Variants in MED12L observed in about 807,000 individuals in gnomAD.
MED12L encodes the protein mediator complex subunit 12L.
In MED12L, 60 loss-of-function variants were observed where a neutral mutation model predicts 281.3. That is an observed-to-expected ratio of 0.21 (90% CI 0.17 to 0.26). The LOEUF is 0.26. Ranked by LOEUF, MED12L falls within the 10% of genes least tolerant of loss-of-function variation. The probability of loss-of-function intolerance (pLI) is 1.00; values close to 1 mark genes in which losing one functional copy is unlikely to be tolerated. For synonymous variants in MED12L, 974 were observed against 987.2 expected (o/e 0.99, Z 0.25); for missense variants, 2,146 against 2,680.9 (o/e 0.80, Z 4.41).
intron 16 of MED12L, among the ~76,000 whole-genome samples, chr3:151,201,325 G>A (rs1050774654): frequency 6.6e-5 from 10 of 151,972 alleles, no homozygotes; most frequent in Non-Finnish European, 1.5e-5. Context: ...CCATAACCTA[G>A]TTTCTCTCTA....
At chr3:151,157,306 T>G (rs1358744319) in intron 6 of MED12L, among the ~76,000 whole-genome samples, 1 of 152,112 alleles carries the variant, frequency 6.6e-6, no homozygotes, top group Non-Finnish European at 1.5e-5. Flanking sequence ...ATGTTAAAAT[T>G]TAAATGTTCA....
chr3:151,343,539 A>G lies in MED12L; in HGVS notation c.2251-6520A>G, dbSNP rs1036098666. The stretch of plus-strand genomic sequence containing the variant: ...GAAAGTGACTAAAATCTTTAAGTGA[A>G]AAGTATCTCAGTTACAGAAGTATAT... On this transcript the variant is annotated intron_variant, in intron 16 of 44. Transcript: ENST00000687756. Among the ~76,000 whole-genome samples, 3 of 152,216 alleles carry G rather than the reference A, an allele frequency of 2.0e-5. No homozygotes were observed. In the East Asian group the frequency reaches 5.8e-4, roughly 29 times the overall value.
At chr3:151,190,298 A>C (rs745490072) in intron 13 of MED12L, among the ~76,000 whole-genome samples, 3 of 151,616 alleles carry the variant, frequency 2.0e-5, no homozygotes, top group Non-Finnish European at 4.4e-5. Flanking sequence ...CAGCCTCCCG[A>C]GTAGCTGGGC....
At chr3:151,224,959 A>G (rs963790188) in intron 16 of MED12L, among the ~76,000 whole-genome samples, 4 of 152,216 alleles carry the variant, frequency 2.6e-5, no homozygotes, top group African/African-American at 9.6e-5. Context: ...ATTTTATGTT[A>G]CTAAAATAAC....
intron 5 of MED12L, among the ~76,000 whole-genome samples, chr3:151,151,221 T>G (rs1718456003): frequency 6.6e-6 from 1 of 151,626 alleles, no homozygotes; most frequent in South Asian, 2.1e-4. Context: ...GTATTTTTAG[T>G]AGAGACGGTG....
chr3:151,355,487 G>T (rs982280657), intron 18 of MED12L, among the ~76,000 whole-genome samples: 1 of 152,110 alleles, frequency 6.6e-6, no homozygotes, highest in Non-Finnish European at 1.5e-5. Flanking sequence ...AATAGCTAAT[G>T]AAATAGTTAG....
chr3:151,159,813 G>A lies in MED12L; in HGVS notation c.838-19G>A. The A allele has an allele frequency of 6.2e-7, 1 of 1,600,136 alleles. No individual in the cohort carries two copies. The highest frequency in any genetic ancestry group is 8.6e-7 in the Non-Finnish European group (1 of 1,169,406). On this transcript the variant is annotated intron_variant, in intron 7 of 44. Coordinates refer to ENST00000687756, the MANE Select transcript of MED12L (RefSeq NM_001393769.1). ...ACGCATAAGACATGACTGAAGTCTG[G>A]TGTCCTTCTACTTCTCAGTATTCAG... is the stretch of plus-strand genomic sequence containing the variant.
At chr3:151,238,356 A>C (rs1268065976) in intron 16 of MED12L, among the ~76,000 whole-genome samples, 1 of 152,174 alleles carries the variant, frequency 6.6e-6, no homozygotes, top group African/African-American at 2.4e-5. Context: ...CTTGTTGGTC[A>C]GGCTGGTCTC....
chr3:151,379,748 A>T (rs1711904088), intron 31 of MED12L, among the ~76,000 whole-genome samples: 1 of 152,204 alleles, frequency 6.6e-6, no homozygotes, highest in South Asian at 2.1e-4. Context: ...AACTTTAAAA[A>T]TTTTTAATTT....
chr3:151,289,921 C>T (rs1339621187), intron 16 of MED12L, among the ~76,000 whole-genome samples: 1 of 151,618 alleles, frequency 6.6e-6, no homozygotes, highest in South Asian at 2.1e-4. Context: ...TGCTCTGTCA[C>T]GTGGGCTGGG....
chr3:151,136,871 A>T (rs1716210053), intron 5 of MED12L, among the ~76,000 whole-genome samples: 1 of 152,126 alleles, frequency 6.6e-6, no homozygotes, highest in Admixed American at 6.5e-5. Flanking sequence ...TTTATTTATT[A>T]AAAAAGTTTA....
chr3:151,379,133 C>T (rs73158002), intron 31 of MED12L, among the ~76,000 whole-genome samples: 82 of 152,304 alleles, frequency 5.4e-4, no homozygotes, highest in African/African-American at 1.3e-3. Flanking sequence ...ATTTGTTTTA[C>T]ATCTGGTTGT....
At position 151,368,657 on chromosome 3, in the gene MED12L, T is replaced by G. The variant is rs75142072; in HGVS notation, c.3550+406T>G. 2.3e-3 allele frequency among the ~76,000 whole-genome samples: 140 copies of G among 61,320 alleles called. 2 individuals carry two copies. The highest frequency in any genetic ancestry group is 9.7e-3 in the Admixed American group (58 of 5,960). 40.2% of individuals were successfully genotyped at this position (61,320 alleles called of 152,430 possible). On this transcript the variant is annotated intron_variant, in intron 25 of 44. Transcript: ENST00000687756. ...TTCATTTCATTTCATTTCATTTCATTTCATTTCATTTCATTTCATGTCATT... is the reference window on the plus strand; with the variant it reads ...TTCATTTCATTTCATTTCATTTCATGTCATTTCATTTCATTTCATGTCATT...
In MED12L at chr3:151,185,533, TCTTACC is replaced by T; in HGVS notation, c.1626+75_1626+80del. The T allele has an allele frequency of 2.0e-6, 3 of 1,514,656 alleles. 1 individual carries two copies. The highest frequency in any genetic ancestry group is 2.7e-6 in the Non-Finnish European group (3 of 1,110,454). 93.8% of individuals were successfully genotyped at this position (1,514,656 alleles called of 1,614,324 possible). A position where few individuals can be genotyped will look rare whatever the true frequency, so the allele number is the denominator to read the frequency against. The stretch of plus-strand genomic sequence containing the variant: ...TACTGTTTTGGGGAAGATCATTTTC[TCTTACC>T]CTCATTATGTTATTCTTTTGCTCTT... On this transcript the variant is annotated intron_variant, in intron 12 of 44. Coordinates refer to ENST00000687756, the MANE Select transcript of MED12L (RefSeq NM_001393769.1).
intron 16 of MED12L, among the ~76,000 whole-genome samples, chr3:151,325,944 G>C (rs1255083086): frequency 6.6e-6 from 1 of 152,174 alleles, no homozygotes; most frequent in Admixed American, 6.6e-5. Context: ...ATCCCTAATA[G>C]TAATGATTAT....
intron 16 of MED12L, among the ~76,000 whole-genome samples, chr3:151,266,825 A>G (rs1739927334): frequency 6.6e-6 from 1 of 152,188 alleles, no homozygotes; most frequent in Non-Finnish European, 1.5e-5. Flanking sequence ...TGTCCTACGA[A>G]GGGAAAACTT....
intron 2 of MED12L, among the ~76,000 whole-genome samples, chr3:151,105,443 G>T (rs1721893057): frequency 6.6e-6 from 1 of 152,002 alleles, no homozygotes; most frequent in Non-Finnish European, 1.5e-5. Flanking sequence ...TTTCTGCTGA[G>T]ACACCCCTCT....
At position 151,086,979 on chromosome 3, in the gene MED12L, G is replaced by C. The variant is rs2148586156; in HGVS notation, c.53G>C (p.Arg18Pro). The C allele has an allele frequency of 6.2e-7, 1 of 1,610,380 alleles. No individual in the cohort carries two copies. The highest frequency in any genetic ancestry group is 1.1e-5 in the South Asian group (1 of 90,654). ...GAGCAGAGACCGCTGAAGCGCCCCC[G>C]GCTCGGGCCGCCCGACGTCTACCCA... ...SYEQRPLKRP[R>P]LGPPDVYPQD... The change falls in exon 2 of 45, where the codon CGG (arginine) becomes CCG (proline). Residue 18 changes from arginine to proline, a missense_variant. By Grantham distance (103) the Arg-to-Pro change is moderately radical. This residue lies in a region of MED12L where 44 missense variants were observed against 39.7 expected (regional missense o/e 1.11). Coordinates refer to ENST00000687756, the MANE Select transcript of MED12L (RefSeq NM_001393769.1).
At chr3:151,324,202 T>A (rs541672692) in intron 16 of MED12L, among the ~76,000 whole-genome samples, 1 of 152,334 alleles carries the variant, frequency 6.6e-6, no homozygotes, top group East Asian at 1.9e-4. Context: ...ATTTGTCTCA[T>A]AAGATTGTAG....
Sources: allele counts gnomAD v4.1 joint callset (sites outside exome capture counted in the v4.1 genomes callset), GRCh38; gene constraint gnomAD v4.1.1; regional missense constraint gnomAD v4.1.1; transcripts MANE v1.5; gene names NCBI Gene and HGNC (gene_info 2026-07-23, HGNC 2026-07-21).